Variants in ACTR1A observed in about 807,000 individuals in gnomAD.
ACTR1A encodes actin related protein 1A, also known as alpha-centractin.
Under a neutral mutation model 50.7 loss-of-function variants are expected in ACTR1A, and 10 were observed. That is an observed-to-expected ratio of 0.20 (90% CI 0.12 to 0.33). The LOEUF is 0.33. Among genes scored for constraint, ACTR1A ranks in the 10% least tolerant of loss-of-function variants. ACTR1A has a pLI of 1.00. For missense variants in ACTR1A, 253 were observed against 491.7 expected (o/e 0.51, Z 4.59); for synonymous variants, 177 against 184.2 (o/e 0.96, Z 0.32).
Position 102,482,975 on chromosome 10 carries a change from C to T in ACTR1A, c.750+36G>A, listed in dbSNP as rs747795860. The T allele has an allele frequency of 1.9e-6, 3 of 1,544,518 alleles. No homozygotes were observed. Among genetic ancestry groups the T allele is most frequent in the South Asian group, 1.1e-5 (1 of 89,602 alleles). On this transcript the variant is annotated intron_variant, in intron 7 of 10. Transcript: ENST00000369905. The surrounding 1 kb of genome is among the most constrained non-coding windows in gnomAD (Gnocchi z 5.6). ...TGGTTGGGCCCAGAGCTTTTGTGGA[C>T]CTAAGGGGACCGAAGAAAGAAGGCA...
chr10:102,500,990 G>A (rs1228743851), intron 1 of ACTR1A, among the ~76,000 whole-genome samples: 1 of 150,302 alleles, frequency 6.7e-6, no homozygotes, highest in Non-Finnish European at 1.5e-5. Flanking sequence ...AGGATCACTT[G>A]AGCCCAGGAG....
Position 102,488,268 on chromosome 10 carries a change from C to T in ACTR1A, c.197G>A (p.Arg66Gln), listed in dbSNP as rs12779172. The T allele has an allele frequency of 1.9e-6, 3 of 1,613,544 alleles. No individual in the cohort carries two copies. The highest frequency in any genetic ancestry group is 2.2e-5 in the East Asian group (1 of 44,856). Residue 66 changes from arginine (R) to glutamine (Q), a missense_variant, in exon 4 of 11, where the codon CGA becomes CAA. By Grantham distance (43) the Arg-to-Gln change is conservative. This residue lies in a region of ACTR1A where 96 missense variants were observed against 238.7 expected (regional missense o/e 0.40). Transcript: ENST00000369905. The surrounding 1 kb of genome is among the most constrained non-coding windows in gnomAD (Gnocchi z 4.4). ...IFIGPKAEEH[R>Q]GLLSIRYPME... ...GGGATAGCGGATTGAAAGCAGCCCT[C>T]GGTGCTCCTGGGAAAAGAGAACAGG... is the stretch of plus-strand genomic sequence containing the variant.
At chr10:102,501,345 C>T (rs1179872445) in intron 1 of ACTR1A, among the ~76,000 whole-genome samples, 2 of 152,274 alleles carry the variant, frequency 1.3e-5, no homozygotes, top group South Asian at 4.1e-4. Flanking sequence ...AGAGCTGAAG[C>T]TTAAACGAGA....
At chr10:102,501,705 T>C (rs1427748170) in intron 1 of ACTR1A, among the ~76,000 whole-genome samples, 2 of 152,168 alleles carry the variant, frequency 1.3e-5, no homozygotes, top group Admixed American at 1.3e-4. Flanking sequence ...CGCGCTTCAG[T>C]TTTCTCATCG....
Position 102,482,569 on chromosome 10 carries a change from T to G in ACTR1A, c.751-394A>C. 1 of 278,034 alleles carries G rather than the reference T, an allele frequency of 3.6e-6. No homozygotes were observed. Among genetic ancestry groups the G allele is most frequent in the East Asian group, 8.9e-5 (1 of 11,234 alleles). The allele number at this position is 278,034 out of a possible 1,614,324, so 17.2% of individuals were successfully genotyped here. ...CTCATACTGATGTGGGACAATCCCT[T>G]AGGAGCTTCCTCCCCTCTAGCGGGA... On this transcript the variant is annotated intron_variant, in intron 7 of 10. Coordinates refer to ENST00000369905, the MANE Select transcript of ACTR1A (RefSeq NM_005736.4). The surrounding 1 kb of genome is among the most constrained non-coding windows in gnomAD (Gnocchi z 5.6).
intron 1 of ACTR1A, among the ~76,000 whole-genome samples, chr10:102,491,400 C>T (rs1041798584): frequency 2.0e-5 from 3 of 152,230 alleles, no homozygotes; most frequent in South Asian, 4.1e-4. Context: ...GCCATGAGCA[C>T]TGTCATGCTT....
At chr10:102,490,232 CAAAAAAAAAAAA>C (rs145472595) in intron 2 of ACTR1A, among the ~76,000 whole-genome samples, 1 of 45,728 alleles carries the variant, frequency 2.2e-5, no homozygotes, top group African/African-American at 9.7e-5. Context: ...GACTCCGTCT[CAAAAAAAAAAAA>C]AAAAAAAAAA....
intron 1 of ACTR1A, among the ~76,000 whole-genome samples, chr10:102,490,952 C>A (rs2062189045): frequency 6.6e-6 from 1 of 151,598 alleles, no homozygotes; most frequent in African/African-American, 2.4e-5. Context: ...AAGATTGTGC[C>A]ACTGCACTCC....
chr10:102,482,829 G>A lies in ACTR1A; in HGVS notation c.750+182C>T, dbSNP rs1307724968. The A allele has an allele frequency of 4.9e-6, 3 of 606,766 alleles. No individual in the cohort carries two copies. The highest frequency in any genetic ancestry group is 4.2e-5 in the South Asian group (2 of 47,132). The allele number at this position is 606,766 out of a possible 1,614,324, so 37.6% of individuals were successfully genotyped here. On this transcript the variant is annotated intron_variant, in intron 7 of 10. Coordinates refer to ENST00000369905, the MANE Select transcript of ACTR1A (RefSeq NM_005736.4). The surrounding 1 kb of genome is among the most constrained non-coding windows in gnomAD (Gnocchi z 5.6). ...CTCATAATGTTTTAAGAAAGTTTACGACTTTGTGTTGGGCCTTACTGAAAG... is the reference window on the plus strand; with the variant it reads ...CTCATAATGTTTTAAGAAAGTTTACAACTTTGTGTTGGGCCTTACTGAAAG...
intron 1 of ACTR1A, among the ~76,000 whole-genome samples, chr10:102,497,308 G>A (rs1048609647): frequency 3.3e-5 from 5 of 151,776 alleles, no homozygotes; most frequent in African/African-American, 9.7e-5. Flanking sequence ...CTTCTCCTTT[G>A]TATGTTTGAA....
At chr10:102,484,436 C>T (rs2135580778) in intron 5 of ACTR1A, 60 bp from the exon 6 acceptor site, 2 of 1,420,168 alleles carry the variant, frequency 1.4e-6, no homozygotes, top group East Asian at 4.7e-5. Context: ...AAGAAATACA[C>T]TTCTTTATTT....
At chr10:102,487,292 T>C (rs368637419) in intron 4 of ACTR1A, among the ~76,000 whole-genome samples, 149 of 152,246 alleles carry the variant, frequency 9.8e-4, no homozygotes, top group African/African-American at 3.4e-3. Flanking sequence ...GCTCATGCTG[T>C]AATCCCAGCT....
In ACTR1A at chr10:102,482,077, A is replaced by C; in HGVS notation, c.849T>G (p.Ile283Met). ...EGIHEVLVFA[I>M]QKSDMDLRRT... ...GCCGCAGGTCCATGTCTGACTTCTG[A>C]ATGGCGAACACCAGGACCTCGTGGA... Residue 283 changes from isoleucine to methionine, a missense_variant, in exon 8 of 11, where the codon ATT (isoleucine) becomes ATG (methionine). Around this residue, in one of 4 missense-constraint regions of ACTR1A, gnomAD observed 116 missense variants for 155.9 expected, o/e 0.74. Transcript: ENST00000369905. The surrounding 1 kb of genome is among the most constrained non-coding windows in gnomAD (Gnocchi z 5.6). 1 of 1,614,174 alleles carries C rather than the reference A, an allele frequency of 6.2e-7. No homozygotes were observed. Among genetic ancestry groups the C allele is most frequent in the Non-Finnish European group, 8.5e-7 (1 of 1,180,042 alleles).
chr10:102,480,296 C>G lies in ACTR1A; in HGVS notation c.*567G>C, dbSNP rs1291899335. 1 of 161,270 alleles carries G rather than the reference C, an allele frequency of 6.2e-6. No individual in the cohort carries two copies. 10.0% of individuals were successfully genotyped at this position (161,270 alleles called of 1,614,324 possible). A position where few individuals can be genotyped will look rare whatever the true frequency, so the allele number is the denominator to read the frequency against. ...CTGGTGAACATGAGGGCCTCCTGCT[C>G]TCTCCTGACTCCAGTCTCTGTAATA... On this transcript the variant is annotated 3_prime_UTR_variant, in exon 11 of 11. Transcript: ENST00000369905.
chr10:102,497,034 C>T (rs1418113712), intron 1 of ACTR1A, among the ~76,000 whole-genome samples: 2 of 152,028 alleles, frequency 1.3e-5, no homozygotes, highest in African/African-American at 4.8e-5. Context: ...CAAAAATTAG[C>T]TGGGCATGGT....
At chr10:102,500,509 C>T (rs936756153) in intron 1 of ACTR1A, among the ~76,000 whole-genome samples, 1 of 152,106 alleles carries the variant, frequency 6.6e-6, no homozygotes, top group African/African-American at 2.4e-5. Context: ...GCGGAGCTTG[C>T]AGTGAGCCGA....
At chr10:102,481,674 T>C (rs774458212) in intron 9 of ACTR1A, among the ~76,000 whole-genome samples, 163 bp downstream of exon 9, 1 of 152,222 alleles carries the variant, frequency 6.6e-6, no homozygotes, top group Non-Finnish European at 1.5e-5. Flanking sequence ...TCCCTGTGGC[T>C]GACCTAGACC....
intron 1 of ACTR1A, among the ~76,000 whole-genome samples, chr10:102,494,977 AT>A (rs1340911019): frequency 4.6e-5 from 7 of 151,738 alleles, no homozygotes; most frequent in African/African-American, 1.7e-4. Context: ...CGCCCGGCTA[AT>A]TTTTGTATTT....
At chr10:102,481,726 G>C (rs937803811) in intron 9 of ACTR1A, 111 bp downstream of exon 9, 93 of 1,303,094 alleles carry the variant, frequency 7.1e-5, no homozygotes, top group Non-Finnish European at 9.7e-5. Context: ...GCTGCTTGTA[G>C]AGCCATGGCT....
Sources: gnomAD v4.1 joint callset for allele counts (sites outside exome capture counted in the v4.1 genomes callset) on GRCh38, gnomAD v4.1.1 for gene constraint, gnomAD v4.1.1 regional missense constraint, Gnocchi (gnomAD v3.1) non-coding constraint, MANE v1.5 for transcripts, NCBI Gene and HGNC (gene_info 2026-07-23, HGNC 2026-07-21) for gene names.